RICTOR: variants seen among roughly 807,000 people sequenced by gnomAD.
RICTOR encodes RPTOR independent companion of MTOR complex 2.
Under a neutral mutation model 214.9 loss-of-function variants are expected in RICTOR, and 49 were observed. The observed-to-expected ratio is 0.23, with a 90% CI of 0.18 to 0.29. The LOEUF is 0.29. Ranked by LOEUF, RICTOR falls within the 10% of genes least tolerant of loss-of-function variation. The pLI is 1.00. For synonymous variants in RICTOR, 717 were observed against 711.3 expected, an observed-to-expected ratio of 1.01 and a Z score of -0.13; for missense variants, 1,625 against 2,047.0, an observed-to-expected ratio of 0.79 and a Z score of 3.98.
At chr5:39,061,538 C>T (rs1010004797) in intron 2 of RICTOR, among the ~76,000 whole-genome samples, 6 of 151,268 alleles carry the variant, frequency 4.0e-5, no homozygotes, top group Admixed American at 1.3e-4. Flanking sequence ...CATACCTTTC[C>T]GAAATTCATA....
chr5:39,041,094 T>C (rs188758281), intron 2 of RICTOR, among the ~76,000 whole-genome samples: 335 of 152,250 alleles, frequency 2.2e-3, no homozygotes, highest in African/African-American at 7.7e-3. Flanking sequence ...ACATGGTGGG[T>C]TGTCAATAAA....
At chr5:39,040,937 A>C (rs567358933) in intron 2 of RICTOR, among the ~76,000 whole-genome samples, 7 of 152,340 alleles carry the variant, frequency 4.6e-5, no homozygotes, top group Admixed American at 3.3e-4. Context: ...ACAGTAATAT[A>C]ATAGACAGGT....
At chr5:38,956,252 A>C (rs1313827924) in intron 25 of RICTOR, among the ~76,000 whole-genome samples, 3 of 152,052 alleles carry the variant, frequency 2.0e-5, no homozygotes, top group Non-Finnish European at 4.4e-5. Context: ...AATGATCAAA[A>C]TTCCTCCTCT....
At chr5:39,070,459 G>A in intron 2 of RICTOR, among the ~76,000 whole-genome samples, 1 of 151,798 alleles carries the variant, frequency 6.6e-6, no homozygotes, top group Non-Finnish European at 1.5e-5. Flanking sequence ...CTGGGCGACA[G>A]AGCGAGACTC....
chr5:39,015,013 G>A (rs1048230706), intron 3 of RICTOR, among the ~76,000 whole-genome samples: 16 of 152,046 alleles, frequency 1.1e-4, no homozygotes, highest in Non-Finnish European at 8.8e-5. Flanking sequence ...TATGTGACAC[G>A]CTTTTGAGTA....
chr5:38,978,623 G>T lies in RICTOR; in HGVS notation c.781C>A (p.His261Asn). 1.3e-6 allele frequency: 2 copies of T among 1,564,058 alleles called. No homozygotes were observed. The highest frequency in any genetic ancestry group is 8.8e-7 in the Non-Finnish European group (1 of 1,141,200). ...GCTGTATCTGGACTATGTCTGTAGT[G>T]AAAATCAGTATAGGGTGCTAAAATT... Reference protein sequence around the residue: ...ERILAPYTDFHYRHSPDTAEG... With the variant: ...ERILAPYTDFNYRHSPDTAEG... The change falls in exon 9 of 38, where the codon CAC (histidine) becomes AAC (asparagine). Residue 261 changes from histidine (H) to asparagine (N), a missense_variant. Transcript: ENST00000357387.
chr5:38,950,872 A>G, intron 30 of RICTOR, 152 bp from the exon 31 acceptor site: 1 of 519,588 alleles, frequency 1.9e-6, no homozygotes, highest in Non-Finnish European at 3.3e-6. Context: ...ACTTGAAAAT[A>G]TCTTTCTTGA....
At chr5:39,033,258 C>T (rs1224417259) in intron 2 of RICTOR, among the ~76,000 whole-genome samples, 1 of 151,620 alleles carries the variant, frequency 6.6e-6, no homozygotes, top group Non-Finnish European at 1.5e-5. Flanking sequence ...CAGTGTCCTA[C>T]TCTTTTTTTT....
rs150023602 is a variant in RICTOR at position 38,959,346 on chromosome 5, T to C, written c.2052-25A>G. On this transcript the variant is annotated intron_variant, in intron 21 of 37. Transcript: ENST00000357387. ...ACTTAAAAGAAAAAAAAAATAAGAATGGTTAAAAGAAATTACTATATTGAT... is the reference window on the plus strand; with the variant it reads ...ACTTAAAAGAAAAAAAAAATAAGAACGGTTAAAAGAAATTACTATATTGAT... The C allele has an allele frequency of 6.4e-3, 8,514 of 1,340,444 alleles. 322 individuals are homozygous for C. In the East Asian group the frequency reaches 0.1, roughly 16 times the overall value. 83.0% of individuals were successfully genotyped at this position (1,340,444 alleles called of 1,614,324 possible).
chr5:38,960,709 C>G (rs560495781), intron 19 of RICTOR, among the ~76,000 whole-genome samples, 176 bp from the exon 20 acceptor site: 2 of 151,110 alleles, frequency 1.3e-5, no homozygotes, highest in Admixed American at 1.3e-4. Flanking sequence ...TGCCTGTGCC[C>G]CCACCCAAAT....
chr5:39,020,272 A>C (rs1261268618), intron 3 of RICTOR, among the ~76,000 whole-genome samples: 2 of 151,786 alleles, frequency 1.3e-5, no homozygotes, highest in Non-Finnish European at 2.9e-5. Flanking sequence ...GACTAACTCC[A>C]ATTTTGAAAG....
intron 7 of RICTOR, among the ~76,000 whole-genome samples, chr5:38,990,289 T>G (rs1580013098): frequency 6.6e-6 from 1 of 150,800 alleles, no homozygotes; most frequent in South Asian, 2.1e-4. Context: ...GGGAGTTGAA[T>G]AATGAGAACA....
At chr5:39,054,867 T>C (rs914704452) in intron 2 of RICTOR, among the ~76,000 whole-genome samples, 1 of 152,222 alleles carries the variant, frequency 6.6e-6, no homozygotes, top group Admixed American at 6.5e-5. Flanking sequence ...ATTAGGGTTA[T>C]ACACACATCA....
At chr5:39,069,866 C>G (rs1201890414) in intron 2 of RICTOR, among the ~76,000 whole-genome samples, 1 of 152,166 alleles carries the variant, frequency 6.6e-6, no homozygotes, top group African/African-American at 2.4e-5. Context: ...AGAAGTCAAC[C>G]CCTCTATGAG....
At chr5:39,036,069 A>G (rs983155084) in intron 2 of RICTOR, among the ~76,000 whole-genome samples, 1 of 152,244 alleles carries the variant, frequency 6.6e-6, no homozygotes, top group Admixed American at 6.5e-5. Flanking sequence ...CCAGAGAGAA[A>G]GGTCGGGTTA....
intron 9 of RICTOR, 79 bp from the exon 10 acceptor site, chr5:38,975,683 A>C: frequency 1.0e-6 from 1 of 985,348 alleles, no homozygotes; most frequent in East Asian, 2.4e-5. Flanking sequence ...ACTAAATCAC[A>C]ATAAGAGCTA....
chr5:38,991,936 A>C (rs986076397), intron 6 of RICTOR, among the ~76,000 whole-genome samples: 4 of 152,126 alleles, frequency 2.6e-5, no homozygotes, highest in African/African-American at 9.6e-5. Context: ...GAGAAAATTA[A>C]TTTGACCCAG....
intron 2 of RICTOR, among the ~76,000 whole-genome samples, chr5:39,039,312 A>G (rs929647123): frequency 6.6e-6 from 1 of 152,170 alleles, no homozygotes; most frequent in African/African-American, 2.4e-5. Flanking sequence ...TACAAAAATT[A>G]ATTCAACATG....
At chr5:39,010,625 G>A (rs1754433832) in intron 3 of RICTOR, among the ~76,000 whole-genome samples, 1 of 152,218 alleles carries the variant, frequency 6.6e-6, no homozygotes, top group Non-Finnish European at 1.5e-5. Flanking sequence ...AAGATGGTCT[G>A]AGATGGAGAT....
Sources: allele counts gnomAD v4.1 joint callset (sites outside exome capture counted in the v4.1 genomes callset), GRCh38; gene constraint gnomAD v4.1.1; transcripts MANE v1.5; gene names NCBI Gene and HGNC (gene_info 2026-07-23, HGNC 2026-07-21).